TSHZ2: variants seen among roughly 807,000 people sequenced by gnomAD.
TSHZ2 encodes teashirt homolog 2.
A neutral mutation model predicts 74.4 loss-of-function variants in TSHZ2; 21 were observed. That is an observed-to-expected ratio of 0.28 (90% CI 0.20 to 0.41). The LOEUF (loss-of-function observed/expected upper bound fraction) is 0.41. Among genes scored for constraint, TSHZ2 ranks in the 10% least tolerant of loss-of-function variants. The pLI is 1.00. For missense variants in TSHZ2, 1,244 were observed against 1,293.5 expected, an observed-to-expected ratio of 0.96 and a Z score of 0.59; for synonymous variants, 540 against 515.3, an observed-to-expected ratio of 1.05 and a Z score of -0.65.
At chr20:53,163,358 C>CTTTTTTTT (rs1987987628) in intron 1 of TSHZ2, among the ~76,000 whole-genome samples, 1 of 63,106 alleles carries the variant, frequency 1.6e-5, no homozygotes, top group Admixed American at 1.9e-4. Flanking sequence ...CGCTCTCTGT[C>CTTTTTTTT]TCTTTTTTTT....
chr20:53,360,893 G>A (rs1981025047), intron 2 of TSHZ2, among the ~76,000 whole-genome samples: 2 of 152,190 alleles, frequency 1.3e-5, no homozygotes, highest in Non-Finnish European at 2.9e-5. Flanking sequence ...CAGAAGCCAA[G>A]CTCTCTTCTA....
rs537664734 is a variant in TSHZ2 at position 53,231,214 on chromosome 20, G to A, written c.41-22285G>A. Among the ~76,000 whole-genome samples the A allele has an allele frequency of 5.3e-5, 8 of 152,308 alleles. No individual in the cohort carries two copies. In the South Asian group the frequency reaches 1.7e-3, roughly 32 times the overall value. On this transcript the variant is annotated intron_variant, in intron 1 of 2. Transcript: ENST00000371497. The stretch of plus-strand genomic sequence containing the variant: ...AAACAAGCGGAATAAACAGTTGAGA[G>A]GATATCATTCATATTGTGACGGGAG...
At chr20:53,132,186 G>A (rs890769305) in intron 1 of TSHZ2, among the ~76,000 whole-genome samples, 2 of 152,106 alleles carry the variant, frequency 1.3e-5, no homozygotes, top group African/African-American at 2.4e-5. Flanking sequence ...TAGGTTCTGA[G>A]AGAGGGTTCT....
chr20:53,269,004 G>A (rs573547076), intron 2 of TSHZ2, among the ~76,000 whole-genome samples: 1 of 151,890 alleles, frequency 6.6e-6, no homozygotes, highest in African/African-American at 2.4e-5. Flanking sequence ...GATGCCGTGA[G>A]GTCTTAAAAA....
chr20:52,977,480 A>G (rs1981391059), intron 1 of TSHZ2, among the ~76,000 whole-genome samples: 1 of 151,546 alleles, frequency 6.6e-6, no homozygotes, highest in South Asian at 2.1e-4. Flanking sequence ...GCATGGACAC[A>G]ATAAAGTCCA....
chr20:53,157,114 C>T (rs1311369093), intron 1 of TSHZ2, among the ~76,000 whole-genome samples: 4 of 152,208 alleles, frequency 2.6e-5, no homozygotes. Context: ...CTCCTCCAAA[C>T]ATCTACCTCT....
intron 1 of TSHZ2, among the ~76,000 whole-genome samples, chr20:53,222,353 G>A (rs1430909708): frequency 6.6e-6 from 1 of 152,106 alleles, no homozygotes. Context: ...AGCTTTCAGT[G>A]GTGTACCTCA....
chr20:53,457,808 T>G (rs1332016729), intron 2 of TSHZ2, among the ~76,000 whole-genome samples: 1 of 151,992 alleles, frequency 6.6e-6, no homozygotes, highest in Non-Finnish European at 1.5e-5. Flanking sequence ...CTGCATCTAT[T>G]GAGATAATCA....
intron 1 of TSHZ2, among the ~76,000 whole-genome samples, chr20:53,039,241 T>G (rs1452721139): frequency 1.3e-5 from 2 of 152,084 alleles, no homozygotes; most frequent in Non-Finnish European, 2.9e-5. Context: ...TCATCCACTT[T>G]GGAACCTACC....
At chr20:53,168,137 G>A (rs1280966435) in intron 1 of TSHZ2, among the ~76,000 whole-genome samples, 1 of 152,208 alleles carries the variant, frequency 6.6e-6, no homozygotes, top group Non-Finnish European at 1.5e-5. Flanking sequence ...CCGAGATCAA[G>A]TGCACTCTCA....
At chr20:53,270,952 C>T (rs73911243) in intron 2 of TSHZ2, among the ~76,000 whole-genome samples, 6,228 of 152,172 alleles carry the variant, frequency 0.041, 295 homozygotes, top group East Asian at 0.11. Flanking sequence ...CCACTTTTCC[C>T]CCTGCTGCCT....
chr20:53,015,367 T>A (rs771926474), intron 1 of TSHZ2, among the ~76,000 whole-genome samples: 1 of 152,206 alleles, frequency 6.6e-6, no homozygotes, highest in South Asian at 2.1e-4. Context: ...TTTTTTGTTA[T>A]CACAGTTGGG....
intron 1 of TSHZ2, among the ~76,000 whole-genome samples, chr20:53,162,251 A>T (rs549586066): frequency 6.6e-6 from 1 of 152,336 alleles, no homozygotes; most frequent in East Asian, 1.9e-4. Context: ...TTTCCTCTAA[A>T]GAACTTCACG....
At chr20:53,448,822 C>G (rs1984659657) in intron 2 of TSHZ2, among the ~76,000 whole-genome samples, 1 of 152,122 alleles carries the variant, frequency 6.6e-6, no homozygotes, top group Non-Finnish European at 1.5e-5. Flanking sequence ...ACATATTTCT[C>G]TTCTGGAAAA....
At chr20:53,183,901 C>T (rs918705043) in intron 1 of TSHZ2, among the ~76,000 whole-genome samples, 1 of 152,188 alleles carries the variant, frequency 6.6e-6, no homozygotes, top group African/African-American at 2.4e-5. Flanking sequence ...TCTCTGGATG[C>T]TTTTGGGATG....
chr20:53,358,410 G>A (rs1004221365), intron 2 of TSHZ2, among the ~76,000 whole-genome samples: 5 of 131,764 alleles, frequency 3.8e-5, no homozygotes, highest in East Asian at 4.7e-4. Context: ...GCAGGATCTC[G>A]ACTCACGGCA....
intron 1 of TSHZ2, among the ~76,000 whole-genome samples, chr20:53,018,782 G>A (rs1463682518): frequency 6.6e-6 from 1 of 150,780 alleles, no homozygotes; most frequent in Non-Finnish European, 1.5e-5. Flanking sequence ...GCTTAATTCA[G>A]GACACAACTC....
At chr20:53,276,815 A>G (rs889269546) in intron 2 of TSHZ2, among the ~76,000 whole-genome samples, 1 of 152,190 alleles carries the variant, frequency 6.6e-6, no homozygotes, top group African/African-American at 2.4e-5. Flanking sequence ...GTTGAGAACC[A>G]TTGCTTTAAG....
At chr20:53,108,325 T>G (rs920896561) in intron 1 of TSHZ2, among the ~76,000 whole-genome samples, 2 of 152,264 alleles carry the variant, frequency 1.3e-5, no homozygotes, top group African/African-American at 2.4e-5. Context: ...CTGTGCTTTC[T>G]GTCATGTTCT....
Sources: allele counts gnomAD v4.1 joint callset (sites outside exome capture counted in the v4.1 genomes callset), GRCh38; gene constraint gnomAD v4.1.1; transcripts MANE v1.5; gene names NCBI Gene and HGNC (gene_info 2026-07-23, HGNC 2026-07-21).